The following MAP7 variants were observed in gnomAD, a reference collection of about 807,000 sequenced individuals.
MAP7 encodes the protein ensconsin.
Under a neutral mutation model 94.8 loss-of-function variants are expected in MAP7, and 52 were observed. That is an observed-to-expected ratio of 0.55 (90% CI 0.44 to 0.69). MAP7 has a LOEUF of 0.69. Ranked by LOEUF, MAP7 falls within the 30% of genes least tolerant of loss-of-function variation. The probability of loss-of-function intolerance (pLI) is 0.00; values close to 1 mark genes in which losing one functional copy is unlikely to be tolerated. For synonymous variants in MAP7, 350 were observed against 357.0 expected (o/e 0.98, Z 0.22); for missense variants, 940 against 964.6 (o/e 0.97, Z 0.34).
intron 1 of MAP7, among the ~76,000 whole-genome samples, chr6:136,446,243 G>A (rs1003349179): frequency 6.6e-6 from 1 of 152,072 alleles, no homozygotes; most frequent in Non-Finnish European, 1.5e-5. Flanking sequence ...GAGGTGGATA[G>A]GGCACAGATC....
chr6:136,507,045 C>T (rs1821730484), intron 1 of MAP7, among the ~76,000 whole-genome samples: 1 of 152,146 alleles, frequency 6.6e-6, no homozygotes. Context: ...TCCAAATCTG[C>T]TGTGATTCTG....
chr6:136,362,456 A>G lies in MAP7; in HGVS notation c.1520T>C (p.Leu507Pro), dbSNP rs767523223. The stretch of plus-strand genomic sequence containing the variant: ...AGCAATGTCTCCCATTTACCTTTCA[A>G]GCTCTTCCTGCTCCCTCCTCTCCCT... ...EERERREQEELERQKREELAQ... is the reference protein window; with the variant it reads ...EERERREQEEPERQKREELAQ... The change falls in exon 11 of 18, where the codon CTT becomes CCT. Residue 507 changes from leucine (L) to proline (P), a missense_variant. Leu to Pro is a moderately conservative substitution (Grantham distance 98). Transcript: ENST00000354570. 2 of 1,613,736 alleles carry G rather than the reference A, an allele frequency of 1.2e-6. No individual in the cohort carries two copies. Among genetic ancestry groups the G allele is most frequent in the Non-Finnish European group, 1.7e-6 (2 of 1,179,920 alleles).
In MAP7 at chr6:136,373,471, T is replaced by C. The variant is rs185326969; in HGVS notation, c.752-846A>G. On this transcript the variant is annotated intron_variant, in intron 7 of 17. Transcript: ENST00000354570. ...TACAGTTTTACTCAAGATGGAATAT[T>C]TTATGAAAAACTACATAGCTTCTGA... is the stretch of plus-strand genomic sequence containing the variant. Among the ~76,000 whole-genome samples the C allele has an allele frequency of 3.7e-3, 569 of 152,324 alleles. 7 individuals are homozygous for C. Among genetic ancestry groups the C allele is most frequent in the African/African-American group, 0.013 (544 of 41,570 alleles).
chr6:136,495,690 G>T (rs551831312), intron 1 of MAP7, among the ~76,000 whole-genome samples: 242 of 152,134 alleles, frequency 1.6e-3, no homozygotes, highest in African/African-American at 5.5e-3. Flanking sequence ...TCTTGGAAAG[G>T]TTTTCTCTAC....
At chr6:136,395,935 A>T (rs539624656) in intron 3 of MAP7, among the ~76,000 whole-genome samples, 1 of 152,286 alleles carries the variant, frequency 6.6e-6, no homozygotes, top group South Asian at 2.1e-4. Flanking sequence ...TTATGGCAGT[A>T]CTATGCTGTT....
chr6:136,479,371 G>A (rs1812030809), intron 1 of MAP7, among the ~76,000 whole-genome samples: 1 of 152,118 alleles, frequency 6.6e-6, no homozygotes, highest in Admixed American at 6.6e-5. Flanking sequence ...CATAATAAAA[G>A]CCATATATGA....
chr6:136,360,584 C>A (rs900009831), intron 13 of MAP7, 113 bp downstream of exon 13: 21 of 810,180 alleles, frequency 2.6e-5, no homozygotes, highest in Non-Finnish European at 4.1e-5. Context: ...ACTGAGGGGG[C>A]TACTAGTTTA....
chr6:136,404,089 T>A (rs1784932646), intron 3 of MAP7, among the ~76,000 whole-genome samples: 1 of 152,204 alleles, frequency 6.6e-6, no homozygotes, highest in Non-Finnish European at 1.5e-5. Context: ...AAGAGGAAAG[T>A]CTCTTGTTAA....
chr6:136,483,129 CAA>C (rs57320038), intron 1 of MAP7, among the ~76,000 whole-genome samples: 875 of 83,120 alleles, frequency 0.011, 1 homozygote, highest in Non-Finnish European at 0.017. Context: ...AAGTATCTTT[CAA>C]AAAAAAAAAA....
In MAP7 at chr6:136,366,116, A is replaced by C. The variant is rs1794251090; in HGVS notation, c.990-98T>G. 25 of 1,280,974 alleles carry C rather than the reference A, an allele frequency of 2.0e-5. No individual in the cohort carries two copies. The South Asian group carries it at 2.8e-4, about 14-fold the overall frequency. The allele number at this position is 1,280,974 out of a possible 1,614,324, so 79.4% of individuals were successfully genotyped here. On this transcript the variant is annotated intron_variant, in intron 9 of 17. Coordinates refer to ENST00000354570, the MANE Select transcript of MAP7 (RefSeq NM_003980.6). ...TCGATGGAAGAGAATGCAGATATTTAGCTCCGTGTATTTGTTTTTTATGTG... is the reference window on the plus strand; with the variant it reads ...TCGATGGAAGAGAATGCAGATATTTCGCTCCGTGTATTTGTTTTTTATGTG...
In MAP7 at chr6:136,546,846, T is replaced by G. The variant is rs147805755; in HGVS notation, c.67+3496A>C. ...CATTGGGAGGCAAAGATGTTAGAAT[T>G]TTTTTAGAGAAAATGCCAGTGTAAA... On this transcript the variant is annotated intron_variant, in intron 1 of 17. Transcript: ENST00000354570. Among the ~76,000 whole-genome samples the G allele has an allele frequency of 2.0e-3, 304 of 152,340 alleles. 1 individual carries two copies. The highest frequency in any genetic ancestry group is 6.6e-3 in the African/African-American group (275 of 41,566).
chr6:136,526,551 G>A (rs2129054159), intron 1 of MAP7: 1 of 985,498 alleles, frequency 1.0e-6, no homozygotes. Flanking sequence ...CTCCCCAGCT[G>A]AGAAGCGGCA....
At chr6:136,368,884 AT>A (rs761126781) in intron 8 of MAP7, among the ~76,000 whole-genome samples, 2 of 152,208 alleles carry the variant, frequency 1.3e-5, no homozygotes, top group South Asian at 2.1e-4. Context: ...ATAATTTTTT[AT>A]TTTTGCAGAA....
At chr6:136,492,693 T>C (rs1816982431) in intron 1 of MAP7, among the ~76,000 whole-genome samples, 1 of 152,140 alleles carries the variant, frequency 6.6e-6, no homozygotes, top group Non-Finnish European at 1.5e-5. Context: ...AGAAAAGTAA[T>C]GAAAATAAAA....
At chr6:136,515,873 G>A (rs995749883) in intron 1 of MAP7, among the ~76,000 whole-genome samples, 4 of 152,086 alleles carry the variant, frequency 2.6e-5, no homozygotes, top group South Asian at 4.2e-4. Flanking sequence ...GAAAAATGGC[G>A]CCAACAGACT....
At chr6:136,344,781 G>C (rs1449690815) in intron 17 of MAP7, among the ~76,000 whole-genome samples, 2 of 152,232 alleles carry the variant, frequency 1.3e-5, no homozygotes, top group African/African-American at 4.8e-5. Context: ...TCACTAAAGT[G>C]AGGTTCCACT....
intron 1 of MAP7, among the ~76,000 whole-genome samples, chr6:136,516,816 T>C (rs965621152): frequency 4.1e-4 from 62 of 152,112 alleles, no homozygotes; most frequent in African/African-American, 1.4e-3. Context: ...CCTGCAAAAA[T>C]AAGCCTGGAT....
chr6:136,450,325 T>C (rs1431690795), intron 1 of MAP7, among the ~76,000 whole-genome samples: 2 of 152,320 alleles, frequency 1.3e-5, no homozygotes, highest in African/African-American at 4.8e-5. Context: ...TGTTTTTAAA[T>C]AGCAATTTCC....
chr6:136,410,677 T>C (rs1239836456), intron 3 of MAP7, among the ~76,000 whole-genome samples: 1 of 152,218 alleles, frequency 6.6e-6, no homozygotes, highest in East Asian at 1.9e-4. Context: ...TGAAAGAATG[T>C]AAACAATAGC....
Sources: allele counts gnomAD v4.1 joint callset (sites outside exome capture counted in the v4.1 genomes callset), GRCh38; gene constraint gnomAD v4.1.1; transcripts MANE v1.5; gene names NCBI Gene and HGNC (gene_info 2026-07-23, HGNC 2026-07-21).